CYS1: variants seen among roughly 807,000 people sequenced by gnomAD.
CYS1 encodes the protein cystin-1.
Under a neutral mutation model 9.6 loss-of-function variants are expected in CYS1, and 5 were observed. The observed-to-expected ratio is 0.52, with a 90% CI of 0.27 to 1.10. The LOEUF (loss-of-function observed/expected upper bound fraction) is 1.10. CYS1 is among the 50% of genes least tolerant of loss of function. The probability of loss-of-function intolerance (pLI) is 0.11; values close to 1 mark genes in which losing one functional copy is unlikely to be tolerated. For missense variants in CYS1, 221 were observed against 207.9 expected (o/e 1.06, Z -0.39); for synonymous variants, 88 against 95.7 (o/e 0.92, Z 0.47).
intron 2 of CYS1, among the ~76,000 whole-genome samples, chr2:10,062,971 C>T (rs933739888): frequency 6.6e-6 from 1 of 152,220 alleles, no homozygotes; most frequent in Non-Finnish European, 1.5e-5. Flanking sequence ...CCCTTCCTTA[C>T]AGACTTCAGG....
chr2:10,066,956 T>C (rs1661705843), intron 1 of CYS1, among the ~76,000 whole-genome samples: 1 of 152,244 alleles, frequency 6.6e-6, no homozygotes, highest in Non-Finnish European at 1.5e-5. Context: ...AGGACTCCTT[T>C]AGTGTCTTCT....
At chr2:10,077,649 AC>A (rs1235688444) in intron 1 of CYS1, among the ~76,000 whole-genome samples, 1 of 152,114 alleles carries the variant, frequency 6.6e-6, no homozygotes, top group Non-Finnish European at 1.5e-5. Flanking sequence ...ACATGGTGAA[AC>A]CCTGTTTCTG....
chr2:10,064,403 C>T (rs34713044), intron 2 of CYS1, among the ~76,000 whole-genome samples: 5,967 of 152,176 alleles, frequency 0.039, 227 homozygotes, highest in Non-Finnish European at 0.049. Context: ...ATTCCTTGGG[C>T]TGATGGAAAC....
intron 1 of CYS1, 96 bp downstream of exon 1, chr2:10,079,810 G>A (rs1223469059): frequency 3.8e-6 from 3 of 788,264 alleles, no homozygotes; most frequent in Non-Finnish European, 4.7e-6. Flanking sequence ...CTGGAAGGGG[G>A]CGCAGCGCGA....
chr2:10,080,188 C>CA lies in CYS1; in HGVS notation c.35dup (p.Arg13GlufsTer112), dbSNP rs1220444339. 2 of 1,069,610 alleles carry CA rather than the reference C, an allele frequency of 1.9e-6. No individual in the cohort carries two copies. Among genetic ancestry groups the CA allele is most frequent in the Non-Finnish European group, 1.1e-6 (1 of 886,276 alleles). 66.3% of individuals were successfully genotyped at this position (1,069,610 alleles called of 1,614,324 possible). ...GGCTCTCGGGGCTGCGCCGCCGCCTCAGAGTCCGGCTGCTCCGGCTGCTGC... is the reference window on the plus strand; with the variant it reads ...GGCTCTCGGGGCTGCGCCGCCGCCTCAAGAGTCCGGCTGCTCCGGCTGCTGC... On this transcript the variant is annotated frameshift_variant, in exon 1 of 3. Transcript: ENST00000381813. LOFTEE classifies it high-confidence loss of function. This position sits in a 1 kb window ranked among gnomAD's most constrained non-coding sequence, Gnocchi z 6.4.
intron 1 of CYS1, among the ~76,000 whole-genome samples, chr2:10,070,896 G>A (rs1010221089): frequency 3.9e-5 from 6 of 152,026 alleles, no homozygotes; most frequent in East Asian, 3.9e-4. Context: ...CCCCCACCTC[G>A]GCCTCCTAAA....
chr2:10,073,229 T>A (rs1229130602), intron 1 of CYS1, among the ~76,000 whole-genome samples: 1 of 107,348 alleles, frequency 9.3e-6, no homozygotes, highest in Non-Finnish European at 2.0e-5. Flanking sequence ...CCCCCCCGGC[T>A]GTGGGCTGCC....
In CYS1 at chr2:10,058,934, C is replaced by G; in HGVS notation, c.396G>C (p.Lys132Asn). 1 of 1,591,624 alleles carries G rather than the reference C, an allele frequency of 6.3e-7. No homozygotes were observed. The highest frequency in any genetic ancestry group is 1.1e-5 in the South Asian group (1 of 87,454). The change falls in exon 3 of 3, where the codon AAG becomes AAC. Residue 132 changes from lysine to asparagine, a missense_variant. By Grantham distance (94) the Lys-to-Asn change is moderately conservative. Coordinates refer to ENST00000381813, the MANE Select transcript of CYS1 (RefSeq NM_001037160.3). ...AGGAGATGGCTGCCGGCCTCTCGGG[C>G]TTCTTGCGACCGCTGCCTGGGGCTC... ...VSEAPGSGRK[K>N]PERPAAISYD...
At chr2:10,069,436 T>C (rs749303175) in intron 1 of CYS1, among the ~76,000 whole-genome samples, 22 of 152,216 alleles carry the variant, frequency 1.4e-4, no homozygotes, top group Admixed American at 7.9e-4. Flanking sequence ...TGGCACAATC[T>C]TGGCTGACTG....
intron 1 of CYS1, among the ~76,000 whole-genome samples, chr2:10,068,578 G>A (rs974038660): frequency 6.6e-6 from 1 of 150,790 alleles, no homozygotes; most frequent in African/African-American, 2.4e-5. Context: ...CATAAGAGGT[G>A]CCTGGGTTGA....
At chr2:10,077,703 T>C (rs1661870780) in intron 1 of CYS1, among the ~76,000 whole-genome samples, 1 of 152,082 alleles carries the variant, frequency 6.6e-6, no homozygotes, top group South Asian at 2.1e-4. Flanking sequence ...CGCACATCTG[T>C]AGTATGCAGG....
intron 2 of CYS1, among the ~76,000 whole-genome samples, chr2:10,065,086 C>T (rs927129808): frequency 3.9e-5 from 6 of 152,046 alleles, no homozygotes; most frequent in Admixed American, 3.3e-4. Flanking sequence ...CCCTGGAGCT[C>T]GCTGCTTGCA....
intron 1 of CYS1, among the ~76,000 whole-genome samples, chr2:10,069,205 G>A (rs1306183541): frequency 6.6e-6 from 1 of 152,154 alleles, no homozygotes; most frequent in Non-Finnish European, 1.5e-5. Flanking sequence ...TGTTATAATG[G>A]CTGCAAAGGT....
intron 2 of CYS1, among the ~76,000 whole-genome samples, chr2:10,059,841 C>T (rs543542556): frequency 1.3e-5 from 2 of 152,380 alleles, no homozygotes; most frequent in South Asian, 4.1e-4. Flanking sequence ...CTCAGCCCAC[C>T]TGGCAGCCCA....
In CYS1 at chr2:10,065,913, T is replaced by C. The variant is rs548377123; in HGVS notation, c.362A>G (p.Asn121Ser). The change falls in exon 2 of 3, where the codon AAT (asparagine) becomes AGT (serine). Residue 121 changes from asparagine (N) to serine (S), a missense_variant. Asn to Ser is a conservative substitution (Grantham distance 46, BLOSUM62 1). Transcript: ENST00000381813. Reference sequence around the variant, plus strand: ...CCTCCCTGGTACTTACTCAGAGACATTGCCGCTCCCCGGGTGGCCCTCTGT... The same window carrying C: ...CCTCCCTGGTACTTACTCAGAGACACTGCCGCTCCCCGGGTGGCCCTCTGT... Reference protein sequence around the residue: ...QSTEGHPGSGNVSEAPGSGRK... With the variant: ...QSTEGHPGSGSVSEAPGSGRK... The C allele has an allele frequency of 6.8e-6, 11 of 1,614,178 alleles. No individual in the cohort carries two copies. Among genetic ancestry groups the C allele is most frequent in the South Asian group, 3.3e-5 (3 of 91,078 alleles).
chr2:10,068,874 C>T (rs561295910), intron 1 of CYS1, among the ~76,000 whole-genome samples: 2 of 151,990 alleles, frequency 1.3e-5, no homozygotes, highest in African/African-American at 2.4e-5. Context: ...CCAGCCTGGC[C>T]AATGTGGTGA....
intron 2 of CYS1, among the ~76,000 whole-genome samples, chr2:10,064,351 A>G (rs372535224): frequency 6.6e-6 from 1 of 152,326 alleles, no homozygotes; most frequent in East Asian, 1.9e-4. Flanking sequence ...AGAAGTCAGA[A>G]GAAGTAATAG....
chr2:10,063,012 G>A lies in CYS1; in HGVS notation c.371+2892C>T, dbSNP rs1661648852. ...ATGGCCCAGCCAAAAGCTCAGGGAA[G>A]CAGCGACTTCCTCCCGCATGGCTGC... On this transcript the variant is annotated intron_variant, in intron 2 of 2. Coordinates refer to ENST00000381813, the MANE Select transcript of CYS1 (RefSeq NM_001037160.3). The surrounding 1 kb of genome is among the most constrained non-coding windows in gnomAD (Gnocchi z 4.2). Among the ~76,000 whole-genome samples the A allele has an allele frequency of 6.6e-6, 1 of 152,236 alleles. No homozygotes were observed. The highest frequency in any genetic ancestry group is 2.1e-4 in the South Asian group (1 of 4,836).
Position 10,058,135 on chromosome 2 carries a change from G to A in CYS1, c.*718C>T, listed in dbSNP as rs72786624. ...AGTTCCAGATTGTCAGAGCTGGGGA[G>A]GGCCTCCAAGAGCTGCCAGAGCTGA... On this transcript the variant is annotated 3_prime_UTR_variant, in exon 3 of 3. Transcript: ENST00000381813. 25,548 of 152,204 alleles carry A rather than the reference G, an allele frequency of 0.17. 2,593 individuals are homozygous for A. The highest frequency in any genetic ancestry group is 0.32 in the Middle Eastern group (96 of 298). The allele number at this position is 152,204 out of a possible 1,614,324, so 9.4% of individuals were successfully genotyped here.
Sources: gnomAD v4.1 joint callset for allele counts (sites outside exome capture counted in the v4.1 genomes callset) on GRCh38, gnomAD v4.1.1 for gene constraint, Gnocchi (gnomAD v3.1) non-coding constraint, MANE v1.5 for transcripts, NCBI Gene and HGNC (gene_info 2026-07-23, HGNC 2026-07-21) for gene names.